Variants in ST6GALNAC5 observed in about 807,000 individuals in gnomAD.
ST6GALNAC5 encodes ST6 N-acetylgalactosaminide alpha-2,6-sialyltransferase 5, also known as alpha-N-acetylgalactosaminide alpha-2,6-sialyltransferase 5.
ST6GALNAC5 carries 27 observed loss-of-function variants against 33.6 expected under a neutral mutation model. The ratio of observed to expected loss-of-function variants is 0.80; its 90% CI spans 0.59 to 1.11. ST6GALNAC5 has a LOEUF of 1.11. Among genes scored for constraint, ST6GALNAC5 ranks in the 50% least tolerant of loss-of-function variants. ST6GALNAC5 has a pLI of 0.00. For missense variants in ST6GALNAC5, 428 were observed against 454.0 expected (o/e 0.94, Z 0.52); for synonymous variants, 194 against 171.2 (o/e 1.13, Z -1.04).
intron 2 of ST6GALNAC5, among the ~76,000 whole-genome samples, chr1:76,915,333 C>T (rs1285405045): frequency 2.0e-5 from 3 of 151,938 alleles, no homozygotes; most frequent in East Asian, 3.9e-4. Flanking sequence ...CCCAGCCATC[C>T]CATTACTGGG....
At chr1:76,880,753 C>T (rs1653761127) in intron 2 of ST6GALNAC5, among the ~76,000 whole-genome samples, 1 of 152,202 alleles carries the variant, frequency 6.6e-6, no homozygotes, top group Non-Finnish European at 1.5e-5. Context: ...GGCACACACA[C>T]ACCCAGGATT....
intron 2 of ST6GALNAC5, among the ~76,000 whole-genome samples, chr1:76,884,925 G>C (rs919615840): frequency 6.6e-6 from 1 of 152,098 alleles, no homozygotes; most frequent in African/African-American, 2.4e-5. Context: ...TAAGAACTAT[G>C]GTGTCCCTCT....
intron 2 of ST6GALNAC5, among the ~76,000 whole-genome samples, chr1:76,913,077 T>C (rs1202160024): frequency 8.5e-5 from 13 of 152,180 alleles, no homozygotes; most frequent in Non-Finnish European, 1.6e-4. Flanking sequence ...TTTCCATGTT[T>C]AGTGCCTCCT....
chr1:77,027,344 T>C (rs1057370536), intron 2 of ST6GALNAC5, among the ~76,000 whole-genome samples: 3 of 152,200 alleles, frequency 2.0e-5, no homozygotes, highest in Admixed American at 6.5e-5. Context: ...ATTGGCCTCT[T>C]CCAATTGCTG....
chr1:76,948,587 CAGAGAGAGAGAGAGAGAG>C (rs60959607), intron 2 of ST6GALNAC5, among the ~76,000 whole-genome samples: 1 of 129,648 alleles, frequency 7.7e-6, no homozygotes, highest in South Asian at 2.6e-4. Context: ...GGAGTGGGGA[CAGAGAGAGAGAGAGAGAG>C]AGAGAGAGAG....
At chr1:76,876,715 G>A (rs543668561) in intron 2 of ST6GALNAC5, among the ~76,000 whole-genome samples, 3 of 152,178 alleles carry the variant, frequency 2.0e-5, no homozygotes, top group Non-Finnish European at 2.9e-5. Flanking sequence ...TGCCCACTGC[G>A]AAGATTTCCC....
intron 2 of ST6GALNAC5, among the ~76,000 whole-genome samples, chr1:77,018,004 C>T (rs897640646): frequency 6.6e-6 from 1 of 152,134 alleles, no homozygotes; most frequent in African/African-American, 2.4e-5. Context: ...CTAACCTTAA[C>T]CTTGGTGACA....
intron 2 of ST6GALNAC5, among the ~76,000 whole-genome samples, chr1:77,030,820 C>T (rs1651424596): frequency 6.6e-6 from 1 of 152,196 alleles, no homozygotes; most frequent in South Asian, 2.1e-4. Flanking sequence ...GCTATCAATC[C>T]TATCTGCCAC....
chr1:77,048,887 A>T (rs1268095596), intron 3 of ST6GALNAC5, among the ~76,000 whole-genome samples: 1 of 152,202 alleles, frequency 6.6e-6, no homozygotes, highest in African/African-American at 2.4e-5. Flanking sequence ...CCAAAGATCA[A>T]CAATAACTTG....
intron 2 of ST6GALNAC5, among the ~76,000 whole-genome samples, chr1:76,897,351 G>A (rs1241555252): frequency 1.3e-5 from 2 of 152,170 alleles, no homozygotes; most frequent in African/African-American, 2.4e-5. Flanking sequence ...AAACAATTTG[G>A]TTGATAAGTC....
intron 2 of ST6GALNAC5, among the ~76,000 whole-genome samples, chr1:76,869,292 C>G (rs565834342): frequency 6.6e-6 from 1 of 152,338 alleles, no homozygotes; most frequent in African/African-American, 2.4e-5. Context: ...GGGACACACT[C>G]AGCTTCCATT....
At chr1:76,930,472 C>T (rs1328603190) in intron 2 of ST6GALNAC5, among the ~76,000 whole-genome samples, 5 of 152,108 alleles carry the variant, frequency 3.3e-5, no homozygotes, top group African/African-American at 1.2e-4. Flanking sequence ...ACATGGTGAA[C>T]ATTTTTGATG....
At chr1:77,045,381 A>C (rs771577120) in intron 3 of ST6GALNAC5, among the ~76,000 whole-genome samples, 21 of 152,202 alleles carry the variant, frequency 1.4e-4, no homozygotes, top group Non-Finnish European at 2.6e-4. Flanking sequence ...AGAGATGGAG[A>C]TAGATGGATA....
At chr1:76,976,879 T>C (rs1458781047) in intron 2 of ST6GALNAC5, among the ~76,000 whole-genome samples, 2 of 152,148 alleles carry the variant, frequency 1.3e-5, no homozygotes, top group Non-Finnish European at 2.9e-5. Context: ...TATCTGATGA[T>C]TCGTCTAATT....
intron 2 of ST6GALNAC5, among the ~76,000 whole-genome samples, chr1:77,007,716 A>G (rs1650477313): frequency 6.6e-6 from 1 of 152,252 alleles, no homozygotes; most frequent in Admixed American, 6.5e-5. Context: ...GGAGGATATT[A>G]GGATTGACTT....
intron 2 of ST6GALNAC5, among the ~76,000 whole-genome samples, chr1:76,891,211 G>A (rs940459248): frequency 9.2e-5 from 14 of 152,140 alleles, no homozygotes; most frequent in African/African-American, 3.4e-4. Context: ...AGTAAGAAGA[G>A]GAGAGTAGGA....
rs536450559 is a variant in ST6GALNAC5, at chr1:77,000,992, T to C, written c.262-43212T>C. ...CGATGCGGGCTCTTTTTTGGTTCCA[T>C]ATGAACTTTAAAGTAGTTTTTTCCA... On this transcript the variant is annotated intron_variant, in intron 2 of 4. Coordinates refer to ENST00000477717, the MANE Select transcript of ST6GALNAC5 (RefSeq NM_030965.3). Among the ~76,000 whole-genome samples, 942 of 151,204 alleles carry C rather than the reference T, an allele frequency of 6.2e-3. 5 individuals carry two copies. The highest frequency in any genetic ancestry group is 0.01 in the Non-Finnish European group (691 of 67,426).
At chr1:76,967,608 T>C (rs963035074) in intron 2 of ST6GALNAC5, among the ~76,000 whole-genome samples, 1 of 152,246 alleles carries the variant, frequency 6.6e-6, no homozygotes. Flanking sequence ...ATCTTAGTTA[T>C]TTCCTGCATT....
chr1:76,949,420 G>A (rs1647656288), intron 2 of ST6GALNAC5, among the ~76,000 whole-genome samples: 1 of 152,094 alleles, frequency 6.6e-6, no homozygotes, highest in Admixed American at 6.5e-5. Context: ...GGATAGAGCT[G>A]GCGTGAGGAG....
Sources: allele counts gnomAD v4.1 joint callset (sites outside exome capture counted in the v4.1 genomes callset), GRCh38; gene constraint gnomAD v4.1.1; transcripts MANE v1.5; gene names NCBI Gene and HGNC (gene_info 2026-07-23, HGNC 2026-07-21).